Variants in WWOX observed in about 807,000 individuals in gnomAD.
The protein encoded by WWOX is WW domain-containing oxidoreductase.
Under a neutral mutation model 46.2 loss-of-function variants are expected in WWOX, and 69 were observed. The ratio of observed to expected loss-of-function variants is 1.49; its 90% CI spans 1.23 to 1.82. The LOEUF (loss-of-function observed/expected upper bound fraction) is 1.82, where lower values mean the gene tolerates loss of function less well. Ranked by LOEUF, WWOX falls within the 40% of genes most tolerant of loss-of-function variation. WWOX has a pLI of 0.00. For missense variants in WWOX, 919 were observed against 542.6 expected, an observed-to-expected ratio of 1.69 and a Z score of -6.89; for synonymous variants, 359 against 202.6, an observed-to-expected ratio of 1.77 and a Z score of -6.56.
At chr16:79,160,877 GTACATACACATA>G (rs2050473135) in intron 8 of WWOX, among the ~76,000 whole-genome samples, 1 of 98,900 alleles carries the variant, frequency 1.0e-5, no homozygotes, top group African/African-American at 4.9e-5. Flanking sequence ...CATAAATTGT[GTACATACACATA>G]TACATATACA....
chr16:79,026,410 C>G (rs2047642783), intron 8 of WWOX, among the ~76,000 whole-genome samples: 2 of 151,672 alleles, frequency 1.3e-5, no homozygotes, highest in African/African-American at 2.4e-5. Flanking sequence ...TGGCCACGGT[C>G]ACTTCCTTTG....
chr16:79,023,529 C>T (rs1331527945), intron 8 of WWOX, among the ~76,000 whole-genome samples: 3 of 152,142 alleles, frequency 2.0e-5, no homozygotes, highest in Admixed American at 6.6e-5. Context: ...GTGGGGCGTC[C>T]TTTAAGGTCT....
At chr16:78,201,866 A>C (rs2036240982) in intron 5 of WWOX, among the ~76,000 whole-genome samples, 1 of 151,614 alleles carries the variant, frequency 6.6e-6, no homozygotes, top group Non-Finnish European at 1.5e-5. Context: ...TGCCTGGCTA[A>C]TTTTTTGTAT....
At chr16:78,243,780 C>G (rs919845719) in intron 5 of WWOX, among the ~76,000 whole-genome samples, 2 of 152,186 alleles carry the variant, frequency 1.3e-5, no homozygotes, top group Non-Finnish European at 2.9e-5. Context: ...CTCCTGACCT[C>G]GAGTGATCTG....
chr16:78,829,974 G>T (rs1597685938), intron 8 of WWOX, among the ~76,000 whole-genome samples: 1 of 152,132 alleles, frequency 6.6e-6, no homozygotes, highest in Admixed American at 6.5e-5. Flanking sequence ...AAAATACTTT[G>T]GGGCCAGACA....
intron 8 of WWOX, among the ~76,000 whole-genome samples, chr16:78,764,436 G>A (rs1342269971): frequency 2.0e-5 from 3 of 150,942 alleles, no homozygotes; most frequent in South Asian, 2.2e-4. Flanking sequence ...GGTATGGTAG[G>A]GAGGTGCTTC....
chr16:78,395,419 T>A (rs1327680367), intron 6 of WWOX, among the ~76,000 whole-genome samples: 1 of 152,134 alleles, frequency 6.6e-6, no homozygotes, highest in Non-Finnish European at 1.5e-5. Flanking sequence ...CTTGGGAGGC[T>A]GACGAGTAAG....
At chr16:78,510,497 G>A (rs557275801) in intron 8 of WWOX, among the ~76,000 whole-genome samples, 1 of 152,246 alleles carries the variant, frequency 6.6e-6, no homozygotes, top group African/African-American at 2.4e-5. Flanking sequence ...ACAGTCGTGA[G>A]CCACCGTGCC....
intron 8 of WWOX, among the ~76,000 whole-genome samples, chr16:78,715,044 C>T (rs77827108): frequency 6.6e-6 from 1 of 152,000 alleles, no homozygotes; most frequent in East Asian, 1.9e-4. Context: ...ACTTTGAGAG[C>T]TCCAGGTGGG....
chr16:78,772,180 C>G (rs1289428774), intron 8 of WWOX, among the ~76,000 whole-genome samples: 1 of 152,078 alleles, frequency 6.6e-6, no homozygotes, highest in East Asian at 1.9e-4. Flanking sequence ...TTTTCTGATC[C>G]TCTCCTTCCT....
intron 8 of WWOX, among the ~76,000 whole-genome samples, chr16:78,893,193 G>GAAAA (rs1052640606): frequency 3.5e-5 from 5 of 144,282 alleles, no homozygotes; most frequent in Non-Finnish European, 7.6e-5. Context: ...ACTATAGCTA[G>GAAAA]AAAAAAAAAA....
intron 8 of WWOX, among the ~76,000 whole-genome samples, chr16:79,041,210 A>G (rs2047964584): frequency 6.6e-6 from 1 of 152,184 alleles, no homozygotes; most frequent in African/African-American, 2.4e-5. Context: ...CGAATGCAAA[A>G]GAGGAATCTT....
chr16:78,753,320 A>AAAAG (rs2049534434), intron 8 of WWOX, among the ~76,000 whole-genome samples: 1 of 151,750 alleles, frequency 6.6e-6, no homozygotes. Context: ...CTCCGTCTCA[A>AAAAG]AAAAAAAGAA....
intron 8 of WWOX, chr16:78,873,449 C>T (rs1318114493): frequency 6.6e-6 from 1 of 151,926 alleles, no homozygotes; most frequent in Non-Finnish European, 1.5e-5. Flanking sequence ...GTAAGTTGTT[C>T]AGCCATTTAC....
intron 1 of WWOX, among the ~76,000 whole-genome samples, chr16:78,101,969 T>C (rs1380638073): frequency 6.7e-6 from 1 of 150,354 alleles, no homozygotes; most frequent in African/African-American, 2.5e-5. Context: ...GTTGGGGGGG[T>C]CGTGAGGGAA....
intron 8 of WWOX, among the ~76,000 whole-genome samples, chr16:78,462,009 C>T (rs1410729092): frequency 6.6e-6 from 1 of 152,212 alleles, no homozygotes; most frequent in Non-Finnish European, 1.5e-5. Context: ...AATTAAACTC[C>T]TCTGGTTTTA....
intron 5 of WWOX, among the ~76,000 whole-genome samples, chr16:78,280,425 A>G (rs931736903): frequency 6.6e-6 from 1 of 152,252 alleles, no homozygotes; most frequent in Non-Finnish European, 1.5e-5. Context: ...TGATCTGGAT[A>G]TTGAGACGTT....
chr16:78,835,480 GAAGAAA>G (rs1388667598), intron 8 of WWOX, among the ~76,000 whole-genome samples: 2 of 152,184 alleles, frequency 1.3e-5, no homozygotes, highest in Non-Finnish European at 2.9e-5. Flanking sequence ...GTTGTGTGTT[GAAGAAA>G]GAGAAGGTGG....
chr16:79,112,710 A>G (rs2049440487), intron 8 of WWOX, among the ~76,000 whole-genome samples: 1 of 152,236 alleles, frequency 6.6e-6, no homozygotes, highest in Non-Finnish European at 1.5e-5. Flanking sequence ...TCATAGTCGT[A>G]AAGTTTATTG....
Sources: allele counts gnomAD v4.1 joint callset (sites outside exome capture counted in the v4.1 genomes callset), GRCh38; gene constraint gnomAD v4.1.1; transcripts MANE v1.5; gene names NCBI Gene and HGNC (gene_info 2026-07-23, HGNC 2026-07-21).